PLA2G4E: variants seen among roughly 807,000 people sequenced by gnomAD.
PLA2G4E encodes the protein cytosolic phospholipase A2 epsilon.
Under a neutral mutation model 109.1 loss-of-function variants are expected in PLA2G4E, and 84 were observed. The observed-to-expected ratio is 0.77, with a 90% CI of 0.65 to 0.92. The LOEUF (loss-of-function observed/expected upper bound fraction) is 0.92. Ranked by LOEUF, PLA2G4E falls within the 40% of genes least tolerant of loss-of-function variation. PLA2G4E has a pLI of 0.00. For missense variants in PLA2G4E, 1,057 were observed against 1,076.6 expected (o/e 0.98, Z 0.25); for synonymous variants, 469 against 436.1 (o/e 1.08, Z -0.94).
At chr15:42,027,744 A>C (rs2665206) in intron 1 of PLA2G4E, among the ~76,000 whole-genome samples, 9 of 151,646 alleles carry the variant, frequency 5.9e-5, no homozygotes, top group Non-Finnish European at 1.0e-4. Flanking sequence ...CTGGTCCTTC[A>C]TGCCCAGGCT....
At chr15:42,000,371 C>T in intron 7 of PLA2G4E, 89 bp from the exon 8 acceptor site, 1 of 1,282,604 alleles carries the variant, frequency 7.8e-7, no homozygotes, top group South Asian at 1.5e-5. Flanking sequence ...TTGGAGGTAT[C>T]CAGGAGGAGT....
chr15:41,990,231 T>C, exon 14 of PLA2G4E: 1 of 1,613,454 alleles, frequency 6.2e-7, no homozygotes, highest in Admixed American at 1.7e-5. Context: ...TTTGCATTCA[T>C]TTCTCTGTGG....
chr15:42,031,393 G>T (rs7496336), intron 1 of PLA2G4E, among the ~76,000 whole-genome samples: 34,995 of 152,010 alleles, frequency 0.23, 4,236 homozygotes, highest in South Asian at 0.38. Context: ...TGAAATGGCT[G>T]GGTCTGATTG....
At chr15:42,044,335 G>A (rs1889373845) in intron 1 of PLA2G4E, among the ~76,000 whole-genome samples, 1 of 152,210 alleles carries the variant, frequency 6.6e-6, no homozygotes. Context: ...GCGGGCTGTG[G>A]GGAGAGTCCC....
chr15:41,988,265 T>C (rs1364979066), intron 15 of PLA2G4E, 109 bp from the exon 16 acceptor site: 1 of 721,736 alleles, frequency 1.4e-6, no homozygotes, highest in East Asian at 2.9e-5. Context: ...GCCAGGCTGC[T>C]CCACAGGCGG....
At chr15:41,997,170 G>C in exon 11 of PLA2G4E, 1 of 1,566,332 alleles carries the variant, frequency 6.4e-7, no homozygotes, top group Non-Finnish European at 8.7e-7. Context: ...CTGCTTCAGG[G>C]CCTTGGCCAC....
intron 1 of PLA2G4E, among the ~76,000 whole-genome samples, 83 bp from the exon 1 acceptor site, chr15:42,021,125 G>T (rs965166391): frequency 3.9e-5 from 6 of 152,084 alleles, no homozygotes; most frequent in African/African-American, 1.4e-4. Flanking sequence ...AGCTGGGATT[G>T]CTCTGGGAGT....
chr15:42,000,628 T>C (rs753582191), intron 7 of PLA2G4E, among the ~76,000 whole-genome samples: 1 of 152,214 alleles, frequency 6.6e-6, no homozygotes, highest in Non-Finnish European at 1.5e-5. Context: ...TCGCTTTTGA[T>C]GTAGACGCCT....
intron 1 of PLA2G4E, among the ~76,000 whole-genome samples, chr15:42,035,799 C>T (rs1412669969): frequency 6.6e-6 from 1 of 152,144 alleles, no homozygotes; most frequent in Non-Finnish European, 1.5e-5. Context: ...TTATTATTCT[C>T]TATACATTTT....
intron 4 of PLA2G4E, among the ~76,000 whole-genome samples, chr15:42,005,598 C>A (rs2068467616): frequency 6.6e-6 from 1 of 152,214 alleles, no homozygotes; most frequent in African/African-American, 2.4e-5. Flanking sequence ...CCCACCTTTA[C>A]CCTCATCTGT....
exon 3 of PLA2G4E, chr15:42,007,851 A>T (rs750709047): frequency 1.2e-6 from 2 of 1,605,036 alleles, no homozygotes; most frequent in East Asian, 4.5e-5. Flanking sequence ...CTCACAAAAC[A>T]GTCTGTCTGG....
rs2068579400 is a variant in PLA2G4E at position 42,015,403 on chromosome 15, C to T, written c.184-1646G>A. On this transcript the variant is annotated intron_variant, in intron 1 of 19. Transcript: ENST00000399518. ...CCCCAGGCGTTAAGCCTGTGGGAGC[C>T]GCTCCCGTTTCACCCCTCTCCTGGC... 7.9e-5 allele frequency among the ~76,000 whole-genome samples: 12 copies of T among 152,302 alleles called. No individual in the cohort carries two copies. The South Asian group carries it at 2.3e-3, about 29-fold the overall frequency.
At chr15:42,021,550 G>C (rs943972843) in intron 1 of PLA2G4E, among the ~76,000 whole-genome samples, 14 of 152,042 alleles carry the variant, frequency 9.2e-5, no homozygotes, top group Non-Finnish European at 2.1e-4. Context: ...CCCAAAGCTA[G>C]AGGGTGAAGA....
At chr15:42,012,907 C>T (rs984645460) in intron 2 of PLA2G4E, among the ~76,000 whole-genome samples, 3 of 152,284 alleles carry the variant, frequency 2.0e-5, no homozygotes, top group Non-Finnish European at 4.4e-5. Flanking sequence ...CTTTTTCCCC[C>T]TTGGGGGCCA....
exon 20 of PLA2G4E, chr15:41,983,701 C>T: frequency 6.7e-7 from 1 of 1,482,472 alleles, no homozygotes; most frequent in South Asian, 1.2e-5. Context: ...CCTGAGGGGT[C>T]CTGCACCTCT....
At chr15:42,004,835 A>T in intron 5 of PLA2G4E, 103 bp downstream of exon 5, 1 of 1,216,742 alleles carries the variant, frequency 8.2e-7, no homozygotes, top group Non-Finnish European at 1.2e-6. Context: ...AGACTGGAAG[A>T]GGGTGAGGCA....
At chr15:42,004,601 C>A (rs1349028206) in intron 5 of PLA2G4E, among the ~76,000 whole-genome samples, 1 of 152,172 alleles carries the variant, frequency 6.6e-6, no homozygotes, top group Non-Finnish European at 1.5e-5. Flanking sequence ...AGCTGGGCCT[C>A]AACAAGGCCC....
At chr15:42,036,949 G>C (rs963592130) in intron 1 of PLA2G4E, among the ~76,000 whole-genome samples, 3 of 152,224 alleles carry the variant, frequency 2.0e-5, no homozygotes, top group Non-Finnish European at 4.4e-5. Context: ...TCCGATCTCA[G>C]AGCACCGTGG....
rs944351780 is a variant in PLA2G4E, at chr15:42,006,833, C to A, written c.394-712G>T. On this transcript the variant is annotated intron_variant, in intron 3 of 19. Transcript: ENST00000399518. The stretch of plus-strand genomic sequence containing the variant: ...ATAAGGTGGTTCTGGAGGTTCCCAA[C>A]GGGATGTGATTGTTGACCTTGTAAT... Among the ~76,000 whole-genome samples, 4 of 152,054 alleles carry A rather than the reference C, an allele frequency of 2.6e-5. No homozygotes were observed. In the South Asian group the frequency reaches 8.3e-4, roughly 32 times the overall value.
Sources: gnomAD v4.1 joint callset for allele counts (sites outside exome capture counted in the v4.1 genomes callset) on GRCh38, gnomAD v4.1.1 for gene constraint, MANE v1.5 for transcripts, NCBI Gene and HGNC (gene_info 2026-07-23, HGNC 2026-07-21) for gene names.